Variants in LHFPL6 observed in about 807,000 individuals in gnomAD.
LHFPL6 encodes the protein LHFPL tetraspan subfamily member 6.
LHFPL6 carries 9 observed loss-of-function variants against 20.6 expected under a neutral mutation model. That is an observed-to-expected ratio of 0.44 (90% confidence interval 0.26 to 0.76). LHFPL6 has a LOEUF of 0.76. Among genes scored for constraint, LHFPL6 ranks in the 30% least tolerant of loss-of-function variants. The pLI is 0.20. For synonymous variants in LHFPL6, 105 were observed against 98.7 expected (o/e 1.06, Z -0.38); for missense variants, 218 against 253.5 (o/e 0.86, Z 0.95).
intron 2 of LHFPL6, among the ~76,000 whole-genome samples, chr13:39,569,398 C>A (rs1365746539): frequency 6.6e-6 from 1 of 152,036 alleles, no homozygotes; most frequent in Non-Finnish European, 1.5e-5. Context: ...GTCTTGGAAC[C>A]CATCAATCTA....
chr13:39,476,217 A>C (rs558949765), intron 2 of LHFPL6, among the ~76,000 whole-genome samples: 2 of 152,290 alleles, frequency 1.3e-5, no homozygotes, highest in South Asian at 2.1e-4. Context: ...TTTAATAGAG[A>C]CTGTGTCTCG....
intron 2 of LHFPL6, among the ~76,000 whole-genome samples, chr13:39,437,622 G>T (rs1383917337): frequency 2.6e-5 from 4 of 152,154 alleles, no homozygotes; most frequent in African/African-American, 9.7e-5. Context: ...GAATTAAATA[G>T]GCCAGGCGCG....
chr13:39,422,323 G>C (rs1203005767), intron 2 of LHFPL6, among the ~76,000 whole-genome samples: 1 of 152,136 alleles, frequency 6.6e-6, no homozygotes, highest in African/African-American at 2.4e-5. Context: ...CACAGGCCGG[G>C]AGCAGTGGCT....
chr13:39,462,315 G>C (rs973423127), intron 2 of LHFPL6, among the ~76,000 whole-genome samples: 7 of 152,138 alleles, frequency 4.6e-5, no homozygotes, highest in African/African-American at 9.7e-5. Flanking sequence ...AGCCAGCCTT[G>C]CTCCTTCAAA....
At chr13:39,528,410 A>G (rs1207545828) in intron 2 of LHFPL6, among the ~76,000 whole-genome samples, 3 of 152,210 alleles carry the variant, frequency 2.0e-5, no homozygotes, top group African/African-American at 7.2e-5. Context: ...GTCACCTCCT[A>G]GAGAATTTAA....
intron 2 of LHFPL6, among the ~76,000 whole-genome samples, chr13:39,461,409 C>T (rs1872684516): frequency 6.6e-6 from 1 of 152,166 alleles, no homozygotes; most frequent in African/African-American, 2.4e-5. Flanking sequence ...TGAGAAATCT[C>T]CAAACTGCTT....
intron 2 of LHFPL6, among the ~76,000 whole-genome samples, chr13:39,568,170 C>A (rs1361796292): frequency 3.3e-5 from 5 of 151,934 alleles, no homozygotes; most frequent in African/African-American, 1.2e-4. Flanking sequence ...CCACCTGTTT[C>A]TTTAAATGAG....
At chr13:39,448,027 C>G (rs1872338329) in intron 2 of LHFPL6, among the ~76,000 whole-genome samples, 2 of 152,164 alleles carry the variant, frequency 1.3e-5, no homozygotes, top group East Asian at 3.9e-4. Flanking sequence ...TCATTGTAGC[C>G]AGGCACCAGG....
intron 2 of LHFPL6, among the ~76,000 whole-genome samples, chr13:39,476,717 A>G (rs1316132341): frequency 6.6e-6 from 1 of 152,338 alleles, no homozygotes; most frequent in Middle Eastern, 3.4e-3. Context: ...GAATCTGTAA[A>G]CCATATTTAC....
intron 2 of LHFPL6, among the ~76,000 whole-genome samples, chr13:39,595,442 G>A (rs1398246976): frequency 6.6e-6 from 1 of 152,096 alleles, no homozygotes; most frequent in African/African-American, 2.4e-5. Flanking sequence ...ACAGGCACAC[G>A]CCACCACATC....
At chr13:39,394,801 G>A (rs1233811903) in intron 2 of LHFPL6, among the ~76,000 whole-genome samples, 1 of 152,134 alleles carries the variant, frequency 6.6e-6, no homozygotes, top group Non-Finnish European at 1.5e-5. Context: ...AAAGAGATTA[G>A]GTGGCATGCT....
chr13:39,471,540 G>T (rs566106709), intron 2 of LHFPL6, among the ~76,000 whole-genome samples: 1 of 152,156 alleles, frequency 6.6e-6, no homozygotes, highest in Non-Finnish European at 1.5e-5. Flanking sequence ...TTGCCGTTAG[G>T]TCCCAATCCC....
At chr13:39,481,197 A>G (rs1868507824) in intron 2 of LHFPL6, among the ~76,000 whole-genome samples, 1 of 152,210 alleles carries the variant, frequency 6.6e-6, no homozygotes, top group African/African-American at 2.4e-5. Flanking sequence ...TTGAAAAAAC[A>G]TCAGGCAATA....
Position 39,352,911 on chromosome 13 carries a change from G to GTATATATATGTA in LHFPL6, c.485-8858_485-8857insTACATATATATA, listed in dbSNP as rs1566091634. Reference sequence around the variant, plus strand: ...TATATATGTGTATATATATATAAATGTATATATATATAAATGTATATATAT... The same window carrying GTATATATATGTA: ...TATATATGTGTATATATATATAAATGTATATATATGTATATATATATATAAATGTATATATAT... On this transcript the variant is annotated intron_variant, in intron 3 of 3. Coordinates refer to ENST00000379589, the MANE Select transcript of LHFPL6 (RefSeq NM_005780.3). 1.2e-4 allele frequency among the ~76,000 whole-genome samples: 6 copies of GTATATATATGTA among 51,748 alleles called. 2 individuals are homozygous for GTATATATATGTA. The highest frequency in any genetic ancestry group is 1.9e-3 in the East Asian group (2 of 1,038). The allele number at this position is 51,748 out of a possible 152,430, so 33.9% of individuals were successfully genotyped here.
At chr13:39,470,092 G>T (rs1041886830) in intron 2 of LHFPL6, among the ~76,000 whole-genome samples, 1 of 152,062 alleles carries the variant, frequency 6.6e-6, no homozygotes, top group Non-Finnish European at 1.5e-5. Context: ...CTCTCCACTC[G>T]CTTAAAAAAT....
chr13:39,479,591 ATACT>A (rs1333191948), intron 2 of LHFPL6, among the ~76,000 whole-genome samples: 3 of 152,186 alleles, frequency 2.0e-5, no homozygotes, highest in African/African-American at 7.2e-5. Flanking sequence ...AGCTAAATTG[ATACT>A]TACCAGATTT....
intron 2 of LHFPL6, among the ~76,000 whole-genome samples, chr13:39,542,803 G>A (rs1870853102): frequency 6.6e-6 from 1 of 152,134 alleles, no homozygotes; most frequent in Non-Finnish European, 1.5e-5. Context: ...AAGTCGCATG[G>A]GTCATAATGA....
chr13:39,515,918 T>C (rs1869896590), intron 2 of LHFPL6, among the ~76,000 whole-genome samples: 1 of 152,240 alleles, frequency 6.6e-6, no homozygotes, highest in Non-Finnish European at 1.5e-5. Flanking sequence ...AGCTTGAATG[T>C]AGTTTTAGAT....
chr13:39,495,749 G>A (rs1258182981), intron 2 of LHFPL6, among the ~76,000 whole-genome samples: 1 of 151,456 alleles, frequency 6.6e-6, no homozygotes, highest in Non-Finnish European at 1.5e-5. Context: ...TGAAGCTGGG[G>A]ATATGAGAAG....
Sources: allele counts gnomAD v4.1 joint callset (sites outside exome capture counted in the v4.1 genomes callset), GRCh38; gene constraint gnomAD v4.1.1; transcripts MANE v1.5; gene names NCBI Gene and HGNC (gene_info 2026-07-23, HGNC 2026-07-21).